The following ZFPM1 variants were observed in gnomAD, a reference collection of about 807,000 sequenced individuals.
ZFPM1 encodes zinc finger protein ZFPM1.
In ZFPM1, 28 loss-of-function variants were observed where a neutral mutation model predicts 46.3. That is an observed-to-expected ratio of 0.60 (90% confidence interval 0.45 to 0.83). The LOEUF (loss-of-function observed/expected upper bound fraction) is 0.83. Among genes scored for constraint, ZFPM1 ranks in the 40% least tolerant of loss-of-function variants. The probability of loss-of-function intolerance (pLI) is 0.00; values close to 1 mark genes in which losing one functional copy is unlikely to be tolerated. For synonymous variants in ZFPM1, 957 were observed against 675.9 expected, an observed-to-expected ratio of 1.42 and a Z score of -6.45; for missense variants, 1,878 against 1,432.4, an observed-to-expected ratio of 1.31 and a Z score of -5.02.
intron 1 of ZFPM1, among the ~76,000 whole-genome samples, chr16:88,468,444 C>T (rs1453678048): frequency 1.3e-5 from 2 of 152,156 alleles, no homozygotes; most frequent in Non-Finnish European, 2.9e-5. Flanking sequence ...GAAAAGAGGC[C>T]GGCCTTGGAG....
rs1908890490 is a variant in ZFPM1, at chr16:88,480,667, C to G, written c.41-5272C>G. ...AAACACTGAGCCGGAGCAGGGTGCT[C>G]CCTGGGCCAGGGCCCTGGTTTTCAG... is the stretch of plus-strand genomic sequence containing the variant. On this transcript the variant is annotated intron_variant, in intron 1 of 9. Transcript: ENST00000319555. The surrounding 1 kb of genome is among the most constrained non-coding windows in gnomAD (Gnocchi z 4.9). Among the ~76,000 whole-genome samples, 1 of 152,234 alleles carries G rather than the reference C, an allele frequency of 6.6e-6. No homozygotes were observed. Among genetic ancestry groups the G allele is most frequent in the Non-Finnish European group, 1.5e-5 (1 of 68,038 alleles).
chr16:88,481,834 AC>A (rs1478233793), intron 1 of ZFPM1, among the ~76,000 whole-genome samples: 5 of 152,200 alleles, frequency 3.3e-5, no homozygotes, highest in African/African-American at 1.2e-4. Flanking sequence ...AGTGCTGAGC[AC>A]CGCCCGTCCA....
intron 3 of ZFPM1, among the ~76,000 whole-genome samples, chr16:88,500,511 G>C (rs1043214394): frequency 3.3e-5 from 5 of 152,274 alleles, no homozygotes; most frequent in African/African-American, 1.2e-4. Context: ...AGCGCTATTA[G>C]AGAGTGCTGC....
intron 1 of ZFPM1, among the ~76,000 whole-genome samples, chr16:88,465,192 T>A (rs553616247): frequency 6.6e-6 from 1 of 152,134 alleles, no homozygotes; most frequent in Non-Finnish European, 1.5e-5. Flanking sequence ...AGGTGCAGAG[T>A]TAGCTCACAG....
rs1486534874 is a variant in ZFPM1, at chr16:88,461,214, CGGGAGGCCTGGTGAGGACCCAGGGGT to C, written c.40+7540_40+7565del. Among the ~76,000 whole-genome samples the C allele has an allele frequency of 6.7e-4, 31 of 46,528 alleles. 1 individual carries two copies. Among genetic ancestry groups the C allele is most frequent in the Admixed American group, 1.9e-3 (7 of 3,628 alleles). The allele number at this position is 46,528 out of a possible 152,430, so 30.5% of individuals were successfully genotyped here. A position where few individuals can be genotyped will look rare whatever the true frequency, so the allele number is the denominator to read the frequency against. Reference sequence around the variant, plus strand: ...GGGAGGCCTGGTGAGGACCCAGGGGCGGGAGGCCTGGTGAGGACCCAGGGGTGGGGCGGGAGGCCCTGGTGAGGACC... The same window carrying C: ...GGGAGGCCTGGTGAGGACCCAGGGGCGGGGCGGGAGGCCCTGGTGAGGACC... On this transcript the variant is annotated intron_variant, in intron 1 of 9. Transcript: ENST00000319555.
chr16:88,533,749 C>A lies in ZFPM1; in HGVS notation c.1791C>A (p.Arg597=). The A allele has an allele frequency of 1.3e-6, 2 of 1,494,926 alleles. No homozygotes were observed. The highest frequency in any genetic ancestry group is 2.4e-5 in the South Asian group (2 of 84,226). 92.6% of individuals were successfully genotyped at this position (1,494,926 alleles called of 1,614,324 possible). ...TCAACAACTACTACGTGCACAAGCGCCTCTACTGTTCAGGCCGCCGTGCGC... is the reference window on the plus strand; with the variant it reads ...TCAACAACTACTACGTGCACAAGCGACTCTACTGTTCAGGCCGCCGTGCGC... ...SNVNNYYVHK[R]LYCSGRRAPE... is the part of the protein sequence containing the mutation. Residue 597 remains arginine (R), a synonymous_variant, in exon 10 of 10, where the codon CGC becomes CGA. Transcript: ENST00000319555.
At chr16:88,476,366 G>T (rs1466447156) in intron 1 of ZFPM1, among the ~76,000 whole-genome samples, 1 of 152,152 alleles carries the variant, frequency 6.6e-6, no homozygotes, top group African/African-American at 2.4e-5. Flanking sequence ...TACCTACTGT[G>T]TGCCGGGCAC....
intron 3 of ZFPM1, among the ~76,000 whole-genome samples, chr16:88,499,025 G>T (rs935636860): frequency 6.6e-6 from 1 of 152,230 alleles, no homozygotes; most frequent in Non-Finnish European, 1.5e-5. Flanking sequence ...CCCTGGACAG[G>T]GTTGAGCTTG....
chr16:88,520,555 T>TGGGTGGATGGACGGATAGGG (rs746667910), intron 4 of ZFPM1, among the ~76,000 whole-genome samples: 1 of 120,918 alleles, frequency 8.3e-6, no homozygotes, highest in African/African-American at 3.4e-5. Flanking sequence ...AAAGGATGGA[T>TGGGTGGATGGACGGATAGGG]GGATGGATGG....
chr16:88,491,917 C>A (rs950621089), intron 3 of ZFPM1, among the ~76,000 whole-genome samples: 5 of 152,132 alleles, frequency 3.3e-5, no homozygotes, highest in African/African-American at 1.2e-4. Flanking sequence ...GCGGCCCGTG[C>A]GTCGATGGCC....
At chr16:88,492,608 AC>A (rs1326174558) in intron 3 of ZFPM1, among the ~76,000 whole-genome samples, 3 of 151,906 alleles carry the variant, frequency 2.0e-5, no homozygotes, top group Admixed American at 6.6e-5. Flanking sequence ...ATCCTGGGAA[AC>A]CCCCCAACCC....
chr16:88,453,075 G>T (rs905658203), upstream of ZFPM1, among the ~76,000 whole-genome samples: 6 of 151,192 alleles, frequency 4.0e-5, no homozygotes, highest in African/African-American at 1.2e-4. Context: ...TAAAGAGCGA[G>T]GCGGGCGGGG....
intron 4 of ZFPM1, among the ~76,000 whole-genome samples, chr16:88,519,972 T>C (rs947409009): frequency 7.1e-6 from 1 of 141,606 alleles, no homozygotes; most frequent in Non-Finnish European, 1.5e-5. Flanking sequence ...GATGGATGGA[T>C]AGTGGGTAGG....
At chr16:88,467,894 C>T (rs1481101047) in intron 1 of ZFPM1, among the ~76,000 whole-genome samples, 1 of 152,134 alleles carries the variant, frequency 6.6e-6, no homozygotes, top group Non-Finnish European at 1.5e-5. Flanking sequence ...GTGCTATCGC[C>T]GTTATCTATC....
intron 3 of ZFPM1, among the ~76,000 whole-genome samples, chr16:88,511,542 T>C (rs2142424384): frequency 6.6e-6 from 1 of 152,054 alleles, no homozygotes; most frequent in Admixed American, 6.5e-5. Context: ...TCACCCTCAC[T>C]CACGGACACT....
At chr16:88,470,520 G>A (rs550971502) in intron 1 of ZFPM1, among the ~76,000 whole-genome samples, 1 of 151,696 alleles carries the variant, frequency 6.6e-6, no homozygotes, top group Admixed American at 6.6e-5. Context: ...GACAGGTGAG[G>A]ATGTGGCACG....
intron 5 of ZFPM1, 122 bp downstream of exon 5, chr16:88,527,038 C>T: frequency 7.0e-7 from 1 of 1,433,020 alleles, no homozygotes; most frequent in Admixed American, 2.6e-5. Flanking sequence ...GCACAGGGAG[C>T]TGCTGGCCCC....
At chr16:88,517,226 ATGGG>A (rs552381201) in intron 4 of ZFPM1, among the ~76,000 whole-genome samples, 390 of 27,246 alleles carry the variant, frequency 0.014, 4 homozygotes, top group Middle Eastern at 0.022. Context: ...GGATGGATGG[ATGGG>A]TGGGTGGGTG....
intron 3 of ZFPM1, 152 bp from the exon 4 acceptor site, chr16:88,514,235 C>T: frequency 1.5e-6 from 2 of 1,333,892 alleles, no homozygotes; most frequent in South Asian, 1.5e-5. Flanking sequence ...GCTGCCCAGG[C>T]CCCTGGGACC....
Sources: allele counts gnomAD v4.1 joint callset (sites outside exome capture counted in the v4.1 genomes callset), GRCh38; gene constraint gnomAD v4.1.1; non-coding constraint Gnocchi (gnomAD v3.1); transcripts MANE v1.5; gene names NCBI Gene and HGNC (gene_info 2026-07-23, HGNC 2026-07-21).